TJP1: variants seen among roughly 807,000 people sequenced by gnomAD.
TJP1 encodes the protein tight junction protein ZO-1.
A neutral mutation model predicts 194.2 loss-of-function variants in TJP1; 43 were observed. The ratio of observed to expected loss-of-function variants is 0.22; its 90% CI spans 0.17 to 0.29. The LOEUF (loss-of-function observed/expected upper bound fraction) is 0.29, where lower values mean the gene tolerates loss of function less well. Ranked by LOEUF, TJP1 falls within the 10% of genes least tolerant of loss-of-function variation. TJP1 has a pLI of 1.00. For synonymous variants in TJP1, 801 were observed against 779.0 expected (o/e 1.03, Z -0.47); for missense variants, 1,971 against 2,185.7 (o/e 0.90, Z 1.96).
chr15:29,863,628 C>T (rs796967245), intron 2 of TJP1, among the ~76,000 whole-genome samples: 14 of 152,266 alleles, frequency 9.2e-5, no homozygotes, highest in African/African-American at 3.1e-4. Flanking sequence ...GTAAGCATTT[C>T]AGTTGCAACC....
chr15:29,813,558 A>G (rs1266749331), intron 1 of TJP1, among the ~76,000 whole-genome samples: 2 of 152,248 alleles, frequency 1.3e-5, no homozygotes, highest in African/African-American at 4.8e-5. Flanking sequence ...CATATACAAC[A>G]GAATTCACAC....
chr15:29,844,602 G>C (rs914269566), intron 2 of TJP1, among the ~76,000 whole-genome samples: 2 of 152,134 alleles, frequency 1.3e-5, no homozygotes, highest in Non-Finnish European at 2.9e-5. Context: ...GGGGAGTCAA[G>C]ATTTTTTATC....
intron 2 of TJP1, among the ~76,000 whole-genome samples, chr15:29,934,761 G>A (rs1027378387): frequency 6.6e-6 from 1 of 152,176 alleles, no homozygotes; most frequent in African/African-American, 2.4e-5. Context: ...TTCTAAAGTA[G>A]TTTTCAACTT....
intron 1 of TJP1, among the ~76,000 whole-genome samples, chr15:29,819,121 A>G (rs1418303700): frequency 1.3e-5 from 2 of 152,188 alleles, no homozygotes; most frequent in Non-Finnish European, 2.9e-5. Flanking sequence ...CTAGGTACAT[A>G]CATATTTTTA....
intron 4 of TJP1, among the ~76,000 whole-genome samples, chr15:29,768,955 A>G (rs2046487218): frequency 6.6e-6 from 1 of 152,216 alleles, no homozygotes; most frequent in Non-Finnish European, 1.5e-5. Flanking sequence ...TTGCAATTAA[A>G]AGGCTTTTGG....
At chr15:29,734,546 C>T (rs1009640956) in intron 11 of TJP1, among the ~76,000 whole-genome samples, 164 bp from the exon 12 acceptor site, 7 of 150,328 alleles carry the variant, frequency 4.7e-5, no homozygotes, top group South Asian at 2.1e-4. Context: ...TGCAATGGCA[C>T]GATCTCAGCT....
chr15:29,790,378 A>G (rs2047992390), intron 2 of TJP1, among the ~76,000 whole-genome samples: 1 of 152,214 alleles, frequency 6.6e-6, no homozygotes, highest in South Asian at 2.1e-4. Context: ...TTCATTGTCC[A>G]AAGATTTTAA....
At chr15:29,773,207 G>A (rs2046803677) in intron 3 of TJP1, 26 bp downstream of exon 3, 3 of 1,612,486 alleles carry the variant, frequency 1.9e-6, no homozygotes, top group Middle Eastern at 1.7e-4. Context: ...TTGTTGCACA[G>A]TGCCCACGAT....
rs780144403 is a variant in TJP1 at position 29,742,782 on chromosome 15, CTG to C, written c.1011-3_1011-2del. On this transcript the variant is annotated splice_acceptor_variant and splice_polypyrimidine_tract_variant and intron_variant, in intron 8 of 27. Transcript: ENST00000614355. LOFTEE classifies it high-confidence loss of function. ...TCTCTCTTCATCTCTACTCCGGAGA[CTG>C]TGTGTCATTAAAATAAAAAATCAAG... 3 of 1,573,704 alleles carry C rather than the reference CTG, an allele frequency of 1.9e-6. No homozygotes were observed. The Admixed American group carries it at 5.9e-5, about 31-fold the overall frequency.
chr15:29,778,872 G>T (rs1283137908), intron 2 of TJP1, among the ~76,000 whole-genome samples: 1 of 152,072 alleles, frequency 6.6e-6, no homozygotes, highest in Non-Finnish European at 1.5e-5. Context: ...ATGTGCTGGG[G>T]CACATGTACA....
chr15:29,949,394 A>T (rs1272147009), intron 2 of TJP1, among the ~76,000 whole-genome samples: 6 of 128,940 alleles, frequency 4.7e-5, no homozygotes, highest in African/African-American at 8.5e-5. Flanking sequence ...CTCCACCACC[A>T]CCACCTCCAC....
At chr15:29,779,326 C>T (rs1189694427) in intron 2 of TJP1, among the ~76,000 whole-genome samples, 1 of 152,196 alleles carries the variant, frequency 6.6e-6, no homozygotes, top group Non-Finnish European at 1.5e-5. Context: ...AACTTGACTA[C>T]ATGTATGCAG....
chr15:29,878,750 C>A (rs2052808632), intron 2 of TJP1, among the ~76,000 whole-genome samples: 1 of 152,136 alleles, frequency 6.6e-6, no homozygotes, highest in Admixed American at 6.5e-5. Context: ...GCCATTCTTC[C>A]TGGACTGTCA....
At chr15:29,967,317 T>C (rs2056367809) in intron 1 of TJP1, among the ~76,000 whole-genome samples, 1 of 151,928 alleles carries the variant, frequency 6.6e-6, no homozygotes, top group African/African-American at 2.4e-5. Context: ...ATTACAGGTG[T>C]GAGCCACTAT....
At chr15:29,760,422 C>G (rs2045928355) in intron 8 of TJP1, 1 of 595,212 alleles carries the variant, frequency 1.7e-6, no homozygotes, top group South Asian at 2.0e-5. Flanking sequence ...GTCACCAAGG[C>G]TGGAGTGCAG....
rs2055645024 is a variant in TJP1, at chr15:29,950,099, TCCACCACCACCA to T, written c.306+6121_306+6132del. Among the ~76,000 whole-genome samples the T allele has an allele frequency of 1.0e-3, 4 of 4,020 alleles. 2 individuals are homozygous for T. Among genetic ancestry groups the T allele is most frequent in the South Asian group, 0.019 (2 of 106 alleles). 2.6% of individuals were successfully genotyped at this position (4,020 alleles called of 152,430 possible). A position where few individuals can be genotyped will look rare whatever the true frequency, so the allele number is the denominator to read the frequency against. Reference sequence around the variant, plus strand: ...CACCACCACCATCTTCACCACCACCTCCACCACCACCACCTCCACAACCACCACCTCCACCAC... The same window carrying T: ...CACCACCACCATCTTCACCACCACCTCCTCCACAACCACCACCTCCACCAC... On this transcript the variant is annotated intron_variant, in intron 2 of 28. Transcript: ENST00000356107.
Position 29,766,268 on chromosome 15 carries a change from T to C in TJP1, c.587A>G (p.Glu196Gly). ...KVTLVKSRKN[E>G]EYGLRLASHI... ...CAGCAAGAGTTGGCAGAGAATACCT[T>C]CATTTTTCCGGGATTTCACCAGTGT... is the stretch of plus-strand genomic sequence containing the variant. The change falls in exon 5 of 28, where the codon GAA (glutamate) becomes GGA (glycine). Residue 196 changes from glutamate (E) to glycine (G), a missense_variant and splice_region_variant. Around this residue, in one of 5 missense-constraint regions of TJP1, gnomAD observed 245 missense variants for 336.6 expected, o/e 0.73. Transcript: ENST00000614355. The C allele has an allele frequency of 6.2e-7, 1 of 1,607,176 alleles. No homozygotes were observed. The highest frequency in any genetic ancestry group is 8.5e-7 in the Non-Finnish European group (1 of 1,177,980).
intron 25 of TJP1, 150 bp downstream of exon 25, chr15:29,708,409 T>G: frequency 1.5e-6 from 1 of 685,690 alleles, no homozygotes; most frequent in Non-Finnish European, 2.5e-6. Flanking sequence ...TGGAGGACCT[T>G]CTATGTAACA....
intron 2 of TJP1, among the ~76,000 whole-genome samples, chr15:29,796,424 T>C (rs543199492): frequency 1.3e-5 from 2 of 148,862 alleles, no homozygotes; most frequent in African/African-American, 4.9e-5. Context: ...AAAAACTATT[T>C]ACAATAGCGC....
Sources: gnomAD v4.1 joint callset for allele counts (sites outside exome capture counted in the v4.1 genomes callset) on GRCh38, gnomAD v4.1.1 for gene constraint, gnomAD v4.1.1 regional missense constraint, MANE v1.5 for transcripts, NCBI Gene and HGNC (gene_info 2026-07-23, HGNC 2026-07-21) for gene names.